Variants in ACTR3C observed in about 807,000 individuals in gnomAD.
The protein encoded by ACTR3C is actin related protein 3C.
In ACTR3C, 18 loss-of-function variants were observed where a neutral mutation model predicts 26.3. The ratio of observed to expected loss-of-function variants is 0.68; its 90% CI spans 0.47 to 1.01. ACTR3C has a LOEUF of 1.01. Among genes scored for constraint, ACTR3C ranks in the 50% least tolerant of loss-of-function variants. The probability of loss-of-function intolerance (pLI) is 0.00; values close to 1 mark genes in which losing one functional copy is unlikely to be tolerated. For missense variants in ACTR3C, 184 were observed against 250.7 expected (o/e 0.73, Z 1.80); for synonymous variants, 55 against 94.5 (o/e 0.58, Z 2.42).
At chr7:150,019,226 G>A in the ACTR3C span, among the ~76,000 whole-genome samples, 1 of 150,484 alleles carries the variant, frequency 6.6e-6, no homozygotes, top group South Asian at 2.1e-4. Flanking sequence ...GACACTGTCG[G>A]AAATATCTAA....
the ACTR3C span, among the ~76,000 whole-genome samples, chr7:149,918,151 A>G: frequency 4.0e-5 from 6 of 151,818 alleles, no homozygotes; most frequent in African/African-American, 1.5e-4. Flanking sequence ...TAAATTTTCT[A>G]TTTCTCCTTC....
intron 1 of ACTR3C, among the ~76,000 whole-genome samples, chr7:150,321,747 TA>T (rs891909821): frequency 6.6e-6 from 1 of 151,828 alleles, no homozygotes; most frequent in Non-Finnish European, 1.5e-5. Flanking sequence ...CTCAAAAAAA[TA>T]AAAATAAAAA....
chr7:150,266,692 T>A, intron 6 of ACTR3C, among the ~76,000 whole-genome samples: 2 of 152,232 alleles, frequency 1.3e-5, no homozygotes, highest in East Asian at 3.9e-4. Context: ...AATTTGTATC[T>A]AGGATATCTG....
chr7:149,977,184 T>A, the ACTR3C span, among the ~76,000 whole-genome samples: 3 of 152,172 alleles, frequency 2.0e-5, no homozygotes, highest in Admixed American at 6.5e-5. Flanking sequence ...TTATGTCCCT[T>A]TTTAGAAGCT....
the ACTR3C span, among the ~76,000 whole-genome samples, chr7:150,237,726 C>T: frequency 6.6e-6 from 1 of 152,012 alleles, no homozygotes; most frequent in Admixed American, 6.5e-5. Context: ...GATACTAGCG[C>T]AGGCCTCGCC....
the ACTR3C span, among the ~76,000 whole-genome samples, chr7:150,138,754 A>G: frequency 6.6e-6 from 1 of 152,266 alleles, no homozygotes; most frequent in South Asian, 2.1e-4. Context: ...GGGGTCCCCA[A>G]CTTGAGCCAT....
the ACTR3C span, among the ~76,000 whole-genome samples, chr7:150,054,595 A>G: frequency 6.6e-6 from 1 of 152,256 alleles, no homozygotes; most frequent in African/African-American, 2.4e-5. Flanking sequence ...AGCACAAAGC[A>G]GTCTCTTAGC....
chr7:150,274,715 C>A lies in ACTR3C; in HGVS notation c.564+10038G>T, dbSNP rs1362199172. 2.6e-5 allele frequency among the ~76,000 whole-genome samples: 4 copies of A among 152,204 alleles called. No individual in the cohort carries two copies. ...GCGGCTCAGCCCACGTGGAGACCCA[C>A]GCAGCTTGGCCCTGACGCCTATACT... On this transcript the variant is annotated intron_variant, in intron 6 of 7. Transcript: ENST00000683684. The surrounding 1 kb of genome is among the most constrained non-coding windows in gnomAD (Gnocchi z 4.1).
chr7:150,083,309 T>C, the ACTR3C span, among the ~76,000 whole-genome samples: 15 of 151,928 alleles, frequency 9.9e-5, no homozygotes, highest in Non-Finnish European at 1.9e-4. Context: ...CTCACATCTG[T>C]AATCCCAGCA....
At chr7:150,227,795 A>G in the ACTR3C span, among the ~76,000 whole-genome samples, 1 of 149,978 alleles carries the variant, frequency 6.7e-6, no homozygotes, top group Non-Finnish European at 1.5e-5. Flanking sequence ...TCCTTTGTTA[A>G]AGATCAGCAG....
the ACTR3C span, among the ~76,000 whole-genome samples, chr7:150,101,966 G>A: frequency 6.6e-6 from 1 of 151,644 alleles, no homozygotes; most frequent in Non-Finnish European, 1.5e-5. Context: ...AGGATAAAGG[G>A]CAGTGGGTAG....
At chr7:150,137,451 G>A in the ACTR3C span, among the ~76,000 whole-genome samples, 11 of 152,282 alleles carry the variant, frequency 7.2e-5, no homozygotes, top group East Asian at 3.9e-4. Context: ...CCTTATGAGC[G>A]TGGCCACTCA....
At chr7:150,125,060 A>C in the ACTR3C span, among the ~76,000 whole-genome samples, 1 of 152,164 alleles carries the variant, frequency 6.6e-6, no homozygotes, top group African/African-American at 2.4e-5. Context: ...TGCTTTTGTC[A>C]TATTTTCCTT....
At chr7:150,082,341 C>T in the ACTR3C span, among the ~76,000 whole-genome samples, 1 of 152,176 alleles carries the variant, frequency 6.6e-6, no homozygotes, top group Non-Finnish European at 1.5e-5. Context: ...TTTACACCAG[C>T]AGCCATTTTT....
the ACTR3C span, among the ~76,000 whole-genome samples, chr7:149,999,346 C>T: frequency 6.6e-6 from 1 of 150,940 alleles, no homozygotes; most frequent in East Asian, 2.1e-4. Context: ...AAGCCCTGTC[C>T]AGGTATGCTG....
At chr7:150,304,135 C>T (rs1040643731) in intron 1 of ACTR3C, among the ~76,000 whole-genome samples, 147 of 152,286 alleles carry the variant, frequency 9.7e-4, no homozygotes, top group Middle Eastern at 6.8e-3. Context: ...CTGGAAAGTA[C>T]GTGCAGGAGG....
the ACTR3C span, among the ~76,000 whole-genome samples, chr7:149,901,496 A>G: frequency 0.44 from 64,720 of 148,696 alleles, 14,468 homozygotes; most frequent in African/African-American, 0.51. Flanking sequence ...TATCTTTGCA[A>G]CTTCCTATTA....
chr7:149,889,106 T>C, the ACTR3C span, among the ~76,000 whole-genome samples: 1 of 152,100 alleles, frequency 6.6e-6, no homozygotes, highest in Non-Finnish European at 1.5e-5. Flanking sequence ...TTGTAAAGCA[T>C]ATATCTGTCA....
At chr7:150,305,339 G>A (rs1795729392) in intron 1 of ACTR3C, among the ~76,000 whole-genome samples, 1 of 151,908 alleles carries the variant, frequency 6.6e-6, no homozygotes, top group African/African-American at 2.4e-5. Flanking sequence ...CTCACCCTAC[G>A]CCCTCCTCGG....
Sources: allele counts gnomAD v4.1 joint callset (sites outside exome capture counted in the v4.1 genomes callset), GRCh38; gene constraint gnomAD v4.1.1; non-coding constraint Gnocchi (gnomAD v3.1); transcripts MANE v1.5; gene names NCBI Gene and HGNC (gene_info 2026-07-23, HGNC 2026-07-21).